NBPF20: variants seen among roughly 807,000 people sequenced by gnomAD.
The protein encoded by NBPF20 is NBPF family member NBPF20.
A neutral mutation model predicts 68.1 loss-of-function variants in NBPF20; 90 were observed. That is an observed-to-expected ratio of 1.32 (90% CI 1.11 to 1.58). The LOEUF (loss-of-function observed/expected upper bound fraction) is 1.58. Ranked by LOEUF, NBPF20 falls within the 40% of genes most tolerant of loss-of-function variation. The pLI, the probability that NBPF20 is intolerant of heterozygous loss-of-function variation, is 0.00. For missense variants in NBPF20, 816 were observed against 601.2 expected, an observed-to-expected ratio of 1.36 and a Z score of -3.74; for synonymous variants, 290 against 228.1, an observed-to-expected ratio of 1.27 and a Z score of -2.45.
chr1:145,296,060 T>A (rs1309532202), intron 132 of NBPF20: 2 of 161,208 alleles, frequency 1.2e-5, no homozygotes, highest in East Asian at 4.0e-4. Context: ...AAAATCAGAG[T>A]TGTGTGAATT....
intron 7 of NBPF20, among the ~76,000 whole-genome samples, chr1:145,398,770 A>C (rs1344601777): frequency 6.6e-6 from 1 of 151,862 alleles, no homozygotes; most frequent in South Asian, 2.1e-4. Context: ...ACCCTTCAAA[A>C]GATCAATGAA....
chr1:145,291,507 T>A (rs782323371), exon 138 of NBPF20: 2 of 1,612,016 alleles, frequency 1.2e-6, no homozygotes, highest in South Asian at 2.2e-5. Context: ...ATGACATCTC[T>A]CGGCTTAGTA....
chr1:145,291,976 G>C (rs1661140445), intron 137 of NBPF20, among the ~76,000 whole-genome samples: 1 of 149,944 alleles, frequency 6.7e-6, no homozygotes, highest in Non-Finnish European at 1.5e-5. Context: ...GAGAGAGAGA[G>C]ACAGAGACAG....
chr1:145,372,533 CA>C lies in NBPF20; in HGVS notation c.4347del (p.Gly1450AlafsTer33). On this transcript the variant is annotated frameshift_variant, in exon 36 of 138. Transcript: ENST00000369373. LOFTEE classifies it high-confidence loss of function. ...TCACTGTCCACGTCAAGAGCCAAGC[CA>C]AGGTACTGTTCCTCCAATGAGTAAA... The C allele has an allele frequency of 2.1e-6, 1 of 479,018 alleles. No homozygotes were observed. 29.7% of individuals were successfully genotyped at this position (479,018 alleles called of 1,614,324 possible). A position where few individuals can be genotyped will look rare whatever the true frequency, so the allele number is the denominator to read the frequency against.
rs1375830490 is a variant in NBPF20, at chr1:145,402,393, C to T, written c.279-12G>A. On this transcript the variant is annotated splice_polypyrimidine_tract_variant and intron_variant, in intron 3 of 137. Transcript: ENST00000369373. ...GGACTTTATATTGCCTAAGGTGAGA[C>T]GGTAGAGAAAATTTAAGAGTGGAAA... 1,488 of 1,601,802 alleles carry T rather than the reference C, an allele frequency of 9.3e-4. 1 individual carries two copies. Among genetic ancestry groups the T allele is most frequent in the African/African-American group, 4.0e-3 (296 of 74,652 alleles).
At chr1:145,408,832 T>C (rs1322303299), upstream of NBPF20, among the ~76,000 whole-genome samples, 1 of 152,032 alleles carries the variant, frequency 6.6e-6, no homozygotes, top group Non-Finnish European at 1.5e-5. Flanking sequence ...ATTCTGGTTA[T>C]TAATCTCTAT....
intron 7 of NBPF20, among the ~76,000 whole-genome samples, chr1:145,397,216 C>T (rs1240489589): frequency 3.3e-5 from 5 of 149,502 alleles, no homozygotes; most frequent in Admixed American, 3.3e-4. Context: ...GTGAATAGTG[C>T]CACAATAAAC....
At chr1:145,398,550 T>C (rs1284313301) in intron 7 of NBPF20, among the ~76,000 whole-genome samples, 8 of 152,158 alleles carry the variant, frequency 5.3e-5, no homozygotes, top group Admixed American at 2.0e-4. Flanking sequence ...ACACAACATA[T>C]CAGAATCTCT....
chr1:145,377,590 T>C (rs1185070919), intron 29 of NBPF20, among the ~76,000 whole-genome samples, 152 bp from the exon 35 acceptor site: 3 of 139,050 alleles, frequency 2.2e-5, no homozygotes, highest in African/African-American at 2.6e-5. Flanking sequence ...TATGTTGGCA[T>C]AGACCAGGGC....
At position 145,292,506 on chromosome 1, in the gene NBPF20, C is replaced by A. The variant is rs587627216; in HGVS notation, c.16589-17G>T. 6.1e-5 allele frequency: 43 copies of A among 700,530 alleles called. 2 individuals are homozygous for A. The African/African-American group carries it at 8.5e-4, about 14-fold the overall frequency. 43.4% of individuals were successfully genotyped at this position (700,530 alleles called of 1,614,324 possible). ...TTTCAATTTCTGCAATAAATTCAGACATGGACAGACACATTAAGCTGATTC... is the reference window on the plus strand; with the variant it reads ...TTTCAATTTCTGCAATAAATTCAGAAATGGACAGACACATTAAGCTGATTC... On this transcript the variant is annotated splice_polypyrimidine_tract_variant and intron_variant, in intron 136 of 137. Transcript: ENST00000369373.
intron 137 of NBPF20, among the ~76,000 whole-genome samples, 153 bp from the exon 143 acceptor site, chr1:145,291,922 G>C (rs1263737783): frequency 6.6e-6 from 1 of 151,776 alleles, no homozygotes; most frequent in African/African-American, 2.4e-5. Context: ...CCTATATGTT[G>C]GGATAGAACA....
exon 6 of NBPF20, chr1:145,400,509 A>C: frequency 1.2e-6 from 2 of 1,612,962 alleles, no homozygotes; most frequent in South Asian, 2.2e-5. Context: ...TTGGAGTCAT[A>C]AGGGCCATGG....
chr1:145,402,520 T>C, intron 3 of NBPF20, 139 bp from the exon 9 acceptor site: 1 of 756,862 alleles, frequency 1.3e-6, no homozygotes, highest in Non-Finnish European at 2.4e-6. Flanking sequence ...GGAATGTCTG[T>C]GGCCAAGAGA....
chr1:145,413,550 C>T, the NBPF20 span, among the ~76,000 whole-genome samples: 8 of 152,038 alleles, frequency 5.3e-5, no homozygotes, highest in African/African-American at 1.7e-4. Context: ...GAGCCATACG[C>T]AAAAGAGTGT....
the NBPF20 span, among the ~76,000 whole-genome samples, chr1:145,415,434 C>T: frequency 2.0e-4 from 31 of 151,776 alleles, no homozygotes; most frequent in South Asian, 5.6e-3. Flanking sequence ...TTACGGGTGT[C>T]GGGCTGGGGG....
chr1:145,378,008 C>G, intron 29 of NBPF20, 35 bp downstream of exon 34: 1 of 506,650 alleles, frequency 2.0e-6, no homozygotes, highest in Non-Finnish European at 3.4e-6. Context: ...CAGGTGTCGA[C>G]ACAGAATTAA....
At chr1:145,402,350 G>T (rs1280513006) in exon 4 of NBPF20, 5 of 1,600,284 alleles carry the variant, frequency 3.1e-6, no homozygotes, top group East Asian at 2.2e-5. Flanking sequence ...GTCAGCTCTC[G>T]TTCCTGAGCG....
chr1:145,394,916 G>C (rs1336867214), intron 8 of NBPF20, 62 bp downstream of exon 13: 2 of 1,592,438 alleles, frequency 1.3e-6, no homozygotes, highest in African/African-American at 2.7e-5. Flanking sequence ...AAGGCCCAAA[G>C]ATTATGGGGT....
At chr1:145,393,206 A>T in exon 10 of NBPF20, 2 of 614,354 alleles carry the variant, frequency 3.3e-6, no homozygotes, top group Non-Finnish European at 5.7e-6. Flanking sequence ...GAGTCCTGCA[A>T]GACTTCAGGC....
Sources: gnomAD v4.1 joint callset for allele counts (sites outside exome capture counted in the v4.1 genomes callset) on GRCh38, gnomAD v4.1.1 for gene constraint, MANE v1.5 for transcripts, NCBI Gene and HGNC (gene_info 2026-07-23, HGNC 2026-07-21) for gene names.